Variants in HCN1 observed in about 807,000 individuals in gnomAD.
The protein encoded by HCN1 is hyperpolarization activated cyclic nucleotide gated potassium channel 1, also known as potassium/sodium hyperpolarization-activated cyclic nucleotide-gated channel 1.
HCN1 carries 13 observed loss-of-function variants against 78.9 expected under a neutral mutation model. The ratio of observed to expected loss-of-function variants is 0.16; its 90% CI spans 0.11 to 0.26. The LOEUF (loss-of-function observed/expected upper bound fraction) is 0.26, where lower values mean the gene tolerates loss of function less well. HCN1 is among the 10% of genes least tolerant of loss of function. The probability of loss-of-function intolerance (pLI) is 1.00; values close to 1 mark genes in which losing one functional copy is unlikely to be tolerated. For missense variants in HCN1, 810 were observed against 1,154.3 expected (o/e 0.70, Z 4.32); for synonymous variants, 552 against 455.5 (o/e 1.21, Z -2.70).
chr5:45,407,640 C>T (rs1188530122), intron 3 of HCN1, among the ~76,000 whole-genome samples: 1 of 152,108 alleles, frequency 6.6e-6, no homozygotes, highest in Non-Finnish European at 1.5e-5. Flanking sequence ...CTGCCTCAGC[C>T]TCCCAAGTAG....
intron 1 of HCN1, among the ~76,000 whole-genome samples, chr5:45,647,519 C>T (rs756762173): frequency 2.0e-5 from 3 of 152,092 alleles, no homozygotes; most frequent in East Asian, 1.9e-4. Context: ...TTCTATTCTA[C>T]GCATTGCCCT....
intron 3 of HCN1, among the ~76,000 whole-genome samples, chr5:45,415,177 G>A (rs1238283381): frequency 6.6e-6 from 1 of 151,888 alleles, no homozygotes; most frequent in African/African-American, 2.4e-5. Context: ...GAAAAATATA[G>A]CAGTTATTTG....
chr5:45,633,195 A>G (rs942177996), intron 2 of HCN1, among the ~76,000 whole-genome samples: 2 of 152,000 alleles, frequency 1.3e-5, no homozygotes, highest in African/African-American at 4.8e-5. Context: ...AAACCATTTA[A>G]GGATCTTTCA....
intron 5 of HCN1, among the ~76,000 whole-genome samples, chr5:45,321,595 T>G (rs774422284): frequency 6.6e-6 from 1 of 152,018 alleles, no homozygotes; most frequent in East Asian, 1.9e-4. Context: ...GCTTCTTTAA[T>G]CTAAAATTTT....
intron 5 of HCN1, among the ~76,000 whole-genome samples, chr5:45,314,788 A>C (rs576699461): frequency 1.4e-3 from 220 of 152,306 alleles, no homozygotes; most frequent in African/African-American, 4.0e-3. Flanking sequence ...AACAGACTTT[A>C]AACCAACAAA....
At chr5:45,346,737 T>C (rs1746723888) in intron 5 of HCN1, among the ~76,000 whole-genome samples, 1 of 152,196 alleles carries the variant, frequency 6.6e-6, no homozygotes, top group East Asian at 1.9e-4. Context: ...TGGAGGGTCC[T>C]ACATCCATGG....
chr5:45,392,196 C>A (rs1255319297), intron 4 of HCN1, among the ~76,000 whole-genome samples: 3 of 151,920 alleles, frequency 2.0e-5, no homozygotes, highest in African/African-American at 7.3e-5. Flanking sequence ...AGGTTTTGGT[C>A]CCTCACCTTT....
In HCN1 at chr5:45,551,367, T is replaced by C. The variant is rs1743365525; in HGVS notation, c.850-89360A>G. 2.6e-5 allele frequency among the ~76,000 whole-genome samples: 4 copies of C among 151,434 alleles called. No homozygotes were observed. The South Asian group carries it at 6.2e-4, about 24-fold the overall frequency. ...AAATGAAAACAAAAGCAGACTTCAA[T>C]AAAATCTCCCAACCTTTTTTTTTTT... On this transcript the variant is annotated intron_variant, in intron 2 of 7. Transcript: ENST00000303230.
chr5:45,622,202 T>A (rs2111996799), intron 2 of HCN1, among the ~76,000 whole-genome samples: 1 of 151,290 alleles, frequency 6.6e-6, no homozygotes, highest in East Asian at 1.9e-4. Flanking sequence ...GGAGACTTCG[T>A]CTTAAAAAAA....
chr5:45,387,343 A>G (rs1418429660), intron 4 of HCN1, among the ~76,000 whole-genome samples: 1 of 152,098 alleles, frequency 6.6e-6, no homozygotes, highest in Non-Finnish European at 1.5e-5. Flanking sequence ...TATGTTTTAT[A>G]CAAATTTCCT....
At chr5:45,442,804 C>G (rs1740705850) in intron 3 of HCN1, among the ~76,000 whole-genome samples, 1 of 152,002 alleles carries the variant, frequency 6.6e-6, no homozygotes, top group African/African-American at 2.4e-5. Flanking sequence ...TGGTCTAATT[C>G]ATACATCTAT....
At chr5:45,326,275 A>G (rs1746232311) in intron 5 of HCN1, among the ~76,000 whole-genome samples, 1 of 151,662 alleles carries the variant, frequency 6.6e-6, no homozygotes, top group Admixed American at 6.6e-5. Flanking sequence ...CTTTATTGTC[A>G]TCATCTTCAT....
At chr5:45,492,918 G>A (rs1265994073) in intron 2 of HCN1, among the ~76,000 whole-genome samples, 1 of 152,114 alleles carries the variant, frequency 6.6e-6, no homozygotes, top group Non-Finnish European at 1.5e-5. Context: ...GCTTAGAAAA[G>A]TCTGTGGATT....
chr5:45,311,105 A>T (rs916413341), intron 5 of HCN1, among the ~76,000 whole-genome samples: 4 of 152,128 alleles, frequency 2.6e-5, no homozygotes, highest in Admixed American at 6.6e-5. Context: ...ACAAACCCCC[A>T]TTATCTCCAT....
At chr5:45,363,816 C>A (rs73099480) in intron 4 of HCN1, among the ~76,000 whole-genome samples, 3,548 of 152,078 alleles carry the variant, frequency 0.023, 153 homozygotes, top group African/African-American at 0.082. Flanking sequence ...GTGCCTTTCT[C>A]CTCCTGCCAT....
intron 5 of HCN1, among the ~76,000 whole-genome samples, chr5:45,332,189 T>A (rs1390972141): frequency 9.2e-5 from 14 of 151,450 alleles, no homozygotes; most frequent in Non-Finnish European, 1.8e-4. Flanking sequence ...TCTTAAAATT[T>A]TTTTGTGGGT....
chr5:45,528,934 A>G (rs1742789686), intron 2 of HCN1, among the ~76,000 whole-genome samples: 2 of 152,028 alleles, frequency 1.3e-5, no homozygotes. Flanking sequence ...AGTTGCCCTT[A>G]GCTTTATGGA....
At chr5:45,581,014 T>A (rs1254526865) in intron 2 of HCN1, among the ~76,000 whole-genome samples, 1 of 152,228 alleles carries the variant, frequency 6.6e-6, no homozygotes, top group Non-Finnish European at 1.5e-5. Flanking sequence ...GCATGTGTCT[T>A]TATAGCAGCA....
At chr5:45,505,344 T>C (rs988277878) in intron 2 of HCN1, among the ~76,000 whole-genome samples, 3 of 152,202 alleles carry the variant, frequency 2.0e-5, no homozygotes, top group East Asian at 3.8e-4. Flanking sequence ...CCCAGCACCA[T>C]TTATTAAATA....
Sources: gnomAD v4.1 joint callset for allele counts (sites outside exome capture counted in the v4.1 genomes callset) on GRCh38, gnomAD v4.1.1 for gene constraint, MANE v1.5 for transcripts, NCBI Gene and HGNC (gene_info 2026-07-23, HGNC 2026-07-21) for gene names.